DGKE: variants seen among roughly 807,000 people sequenced by gnomAD.
The protein encoded by DGKE is DAG kinase epsilon.
Under a neutral mutation model 70.0 loss-of-function variants are expected in DGKE, and 53 were observed. The ratio of observed to expected loss-of-function variants is 0.76; its 90% CI spans 0.61 to 0.95. The LOEUF is 0.95. DGKE is among the 40% of genes least tolerant of loss of function. The pLI, the probability that DGKE is intolerant of heterozygous loss-of-function variation, is 0.00. For missense variants in DGKE, 655 were observed against 706.9 expected (o/e 0.93, Z 0.83); for synonymous variants, 291 against 257.0 (o/e 1.13, Z -1.27).
intron 7 of DGKE, among the ~76,000 whole-genome samples, chr17:56,851,026 A>G (rs1365437237): frequency 1.3e-5 from 2 of 152,222 alleles, no homozygotes; most frequent in Admixed American, 6.5e-5. Context: ...AGTGCAAAGC[A>G]TGGTTAGCAA....
intron 9 of DGKE, among the ~76,000 whole-genome samples, chr17:56,860,214 C>T (rs1033300824): frequency 6.6e-6 from 1 of 152,138 alleles, no homozygotes; most frequent in Non-Finnish European, 1.5e-5. Flanking sequence ...AAATCCCTTG[C>T]TCTACATTTA....
chr17:56,862,315 A>G (rs1908343577), intron 11 of DGKE, 64 bp downstream of exon 11: 3 of 1,422,828 alleles, frequency 2.1e-6, no homozygotes, highest in Non-Finnish European at 3.0e-6. Flanking sequence ...GTTGATATGT[A>G]AAATATACAT....
chr17:56,862,129 T>C lies in DGKE; in HGVS notation c.1413-11T>C, dbSNP rs765288699. On this transcript the variant is annotated splice_polypyrimidine_tract_variant and intron_variant, in intron 10 of 11. Coordinates refer to ENST00000284061, the MANE Select transcript of DGKE (RefSeq NM_003647.3). ...CATCATATAATCCATATTTTCTTTTTCCAATTTTAGGCATGACGATGGTCT... is the reference window on the plus strand; with the variant it reads ...CATCATATAATCCATATTTTCTTTTCCCAATTTTAGGCATGACGATGGTCT... The C allele has an allele frequency of 6.2e-7, 1 of 1,613,648 alleles. No homozygotes were observed. Among genetic ancestry groups the C allele is most frequent in the Non-Finnish European group, 8.5e-7 (1 of 1,179,696 alleles).
At chr17:56,854,315 T>G (rs1385858927) in intron 7 of DGKE, among the ~76,000 whole-genome samples, 1 of 151,760 alleles carries the variant, frequency 6.6e-6, no homozygotes, top group African/African-American at 2.4e-5. Context: ...TTGTTTTTGT[T>G]TTTTGTTTTT....
In DGKE at chr17:56,865,496, C is replaced by G. The variant is rs1908493524; in HGVS notation, c.*2705C>G. On this transcript the variant is annotated 3_prime_UTR_variant, in exon 12 of 12. Coordinates refer to ENST00000284061, the MANE Select transcript of DGKE (RefSeq NM_003647.3). ...GTGTTTCGTCATGTTTAATAGAAATCAAACTGACTTGTGTTTTAAAATACA... is the reference window on the plus strand; with the variant it reads ...GTGTTTCGTCATGTTTAATAGAAATGAAACTGACTTGTGTTTTAAAATACA... 6.6e-6 allele frequency: 1 copy of G among 152,132 alleles called. No individual in the cohort carries two copies. The highest frequency in any genetic ancestry group is 6.5e-5 in the Admixed American group (1 of 15,276). The allele number at this position is 152,132 out of a possible 1,614,324, so 9.4% of individuals were successfully genotyped here. A position where few individuals can be genotyped will look rare whatever the true frequency, so the allele number is the denominator to read the frequency against.
intron 2 of DGKE, chr17:56,836,209 T>TGTA (rs1906606932): frequency 5.3e-5 from 2 of 37,926 alleles, no homozygotes; most frequent in East Asian, 2.9e-3. Context: ...TTTTAATTTT[T>TGTA]TTAATTTTTT....
chr17:56,841,859 C>T (rs1907001161), intron 2 of DGKE, among the ~76,000 whole-genome samples: 1 of 151,824 alleles, frequency 6.6e-6, no homozygotes, highest in Non-Finnish European at 1.5e-5. Flanking sequence ...ACTCTGATGC[C>T]CAGGCTGGAG....
At chr17:56,855,594 G>A (rs1298959549) in intron 7 of DGKE, among the ~76,000 whole-genome samples, 7 of 152,186 alleles carry the variant, frequency 4.6e-5, no homozygotes, top group Non-Finnish European at 1.0e-4. Flanking sequence ...ATTAGCGATT[G>A]TGTCCAGCCA....
chr17:56,844,122 A>G lies in DGKE; in HGVS notation c.568A>G (p.Ser190Gly), dbSNP rs376400766. 224 of 1,585,784 alleles carry G rather than the reference A, an allele frequency of 1.4e-4. No homozygotes were observed. Among genetic ancestry groups the G allele is most frequent in the Non-Finnish European group, 1.8e-4 (209 of 1,170,072 alleles). Residue 190 changes from serine (S) to glycine (G), a missense_variant, in exon 3 of 12, where the codon AGT becomes GGT. By Grantham distance (56) the Ser-to-Gly change is moderately conservative. Coordinates refer to ENST00000284061, the MANE Select transcript of DGKE (RefSeq NM_003647.3). ...ATTCAAAAACCTAATCATTCCACCA[A>G]GTTATTTAACATCCATTAATCAGAT... Reference protein sequence around the residue: ...GEFKNLIIPPSYLTSINQMRK... With the variant: ...GEFKNLIIPPGYLTSINQMRK...
At position 56,863,124 on chromosome 17, in the gene DGKE, T is replaced by C. The variant is rs1908390694; in HGVS notation, c.*333T>C. 5.6e-6 allele frequency: 1 copy of C among 179,380 alleles called. No homozygotes were observed. Among genetic ancestry groups the C allele is most frequent in the African/African-American group, 2.3e-5 (1 of 42,574 alleles). 11.1% of individuals were successfully genotyped at this position (179,380 alleles called of 1,614,324 possible). A position where few individuals can be genotyped will look rare whatever the true frequency, so the allele number is the denominator to read the frequency against. ...TGTCTCATGTCTTATTTTTGAACCA[T>C]GCATATGATGGACACACAATGGATG... On this transcript the variant is annotated 3_prime_UTR_variant, in exon 12 of 12. Transcript: ENST00000284061.
At chr17:56,861,175 A>T (rs1908267189) in intron 9 of DGKE, among the ~76,000 whole-genome samples, 1 of 152,136 alleles carries the variant, frequency 6.6e-6, no homozygotes, top group African/African-American at 2.4e-5. Flanking sequence ...GAAATCAAAG[A>T]TAACTGCCAG....
intron 2 of DGKE, among the ~76,000 whole-genome samples, chr17:56,841,813 T>C (rs531154871): frequency 1.3e-5 from 2 of 152,090 alleles, no homozygotes; most frequent in African/African-American, 4.8e-5. Context: ...AGGTTTTTTT[T>C]GTTTTGTTTT....
intron 11 of DGKE, 55 bp from the exon 12 acceptor site, chr17:56,862,557 C>G: frequency 7.1e-7 from 1 of 1,416,694 alleles, no homozygotes; most frequent in Non-Finnish European, 9.3e-7. Flanking sequence ...TTAAGGAAGA[C>G]CTTTCTAAAT....
At chr17:56,849,516 T>A (rs1907522223) in intron 7 of DGKE, among the ~76,000 whole-genome samples, 1 of 151,870 alleles carries the variant, frequency 6.6e-6, no homozygotes, top group African/African-American at 2.4e-5. Flanking sequence ...GGAAAAGAGG[T>A]GAGAGAGTGC....
At chr17:56,847,832 C>T in intron 4 of DGKE, 90 bp from the exon 5 acceptor site, 1 of 918,690 alleles carries the variant, frequency 1.1e-6, no homozygotes, top group African/African-American at 1.7e-5. Context: ...TGTTATTTAA[C>T]TGTATCTCTA....
chr17:56,836,530 A>G (rs1488470414), intron 2 of DGKE: 1 of 152,226 alleles, frequency 6.6e-6, no homozygotes, highest in East Asian at 1.9e-4. Context: ...GTCTGTGCAG[A>G]ATTATATTAA....
At chr17:56,862,359 C>A in intron 11 of DGKE, 108 bp downstream of exon 11, 1 of 1,057,622 alleles carries the variant, frequency 9.5e-7, no homozygotes, top group South Asian at 1.5e-5. Flanking sequence ...GTTTATGGCT[C>A]ATGCAGCTGG....
chr17:56,847,907 T>C lies in DGKE; in HGVS notation c.745-15T>C. 1 of 1,532,332 alleles carries C rather than the reference T, an allele frequency of 6.5e-7. No individual in the cohort carries two copies. Among genetic ancestry groups the C allele is most frequent in the Non-Finnish European group, 8.8e-7 (1 of 1,140,096 alleles). 94.9% of individuals were successfully genotyped at this position (1,532,332 alleles called of 1,614,324 possible). ...TGTTGGATAAAAATAATTTGTCTTT[T>C]TCTTTTGTTTCTAGGTTTTTGATGT... On this transcript the variant is annotated splice_polypyrimidine_tract_variant and intron_variant, in intron 4 of 11. Coordinates refer to ENST00000284061, the MANE Select transcript of DGKE (RefSeq NM_003647.3).
chr17:56,838,194 A>G (rs1906748025), intron 2 of DGKE, among the ~76,000 whole-genome samples: 1 of 152,202 alleles, frequency 6.6e-6, no homozygotes. Context: ...GTGATTAGTA[A>G]AACAAAGCTG....
Sources: gnomAD v4.1 joint callset for allele counts (sites outside exome capture counted in the v4.1 genomes callset) on GRCh38, gnomAD v4.1.1 for gene constraint, MANE v1.5 for transcripts, NCBI Gene and HGNC (gene_info 2026-07-23, HGNC 2026-07-21) for gene names.